LRRTM4: variants seen among roughly 807,000 people sequenced by gnomAD.
The protein encoded by LRRTM4 is leucine rich repeat transmembrane neuronal 4, also known as leucine-rich repeat transmembrane neuronal protein 4.
Under a neutral mutation model 47.6 loss-of-function variants are expected in LRRTM4, and 25 were observed. That is an observed-to-expected ratio of 0.53 (90% CI 0.38 to 0.73). LRRTM4 has a LOEUF of 0.73. Among genes scored for constraint, LRRTM4 ranks in the 30% least tolerant of loss-of-function variants. LRRTM4 has a pLI of 0.00. For missense variants in LRRTM4, 638 were observed against 713.4 expected, an observed-to-expected ratio of 0.89 and a Z score of 1.20; for synonymous variants, 311 against 269.5, an observed-to-expected ratio of 1.15 and a Z score of -1.51.
intron 3 of LRRTM4, among the ~76,000 whole-genome samples, chr2:77,386,193 AC>A: frequency 6.6e-6 from 1 of 152,330 alleles, no homozygotes; most frequent in Admixed American, 6.5e-5. Context: ...AAAAGAGAGA[AC>A]AAATAGTGTT....
chr2:77,004,071 G>T (rs867668510), intron 3 of LRRTM4, among the ~76,000 whole-genome samples: 28 of 152,160 alleles, frequency 1.8e-4, no homozygotes, highest in African/African-American at 6.8e-4. Flanking sequence ...TTTCTAAGTA[G>T]CAAAGTGTTC....
intron 3 of LRRTM4, among the ~76,000 whole-genome samples, chr2:77,202,975 G>GTA (rs906551262): frequency 6.6e-6 from 1 of 151,926 alleles, no homozygotes; most frequent in Non-Finnish European, 1.5e-5. Context: ...TCAGGTGACC[G>GTA]TATTCCCCAC....
At chr2:76,928,019 T>C (rs1674644723) in intron 3 of LRRTM4, among the ~76,000 whole-genome samples, 1 of 152,198 alleles carries the variant, frequency 6.6e-6, no homozygotes, top group East Asian at 1.9e-4. Flanking sequence ...GTGTCCCAAT[T>C]GCCTTTCTAA....
Position 77,135,938 on chromosome 2 carries a change from T to G in LRRTM4, c.1551+382380A>C, listed in dbSNP as rs1038195288. 2.6e-5 allele frequency among the ~76,000 whole-genome samples: 4 copies of G among 152,142 alleles called. No homozygotes were observed. In the East Asian group the frequency reaches 7.7e-4, roughly 29 times the overall value. On this transcript the variant is annotated intron_variant, in intron 3 of 3. Transcript: ENST00000409884. ...AGCATTCAAAACATTACTTTATAAATTGTTTTCATATTACTATCAAACATT... is the reference window on the plus strand; with the variant it reads ...AGCATTCAAAACATTACTTTATAAAGTGTTTTCATATTACTATCAAACATT...
chr2:77,024,431 G>A lies in LRRTM4; in HGVS notation c.1552-275515C>T, dbSNP rs150039407. 2.1e-3 allele frequency among the ~76,000 whole-genome samples: 322 copies of A among 150,838 alleles called. 7 individuals are homozygous for A. The highest frequency in any genetic ancestry group is 7.6e-3 in the African/African-American group (312 of 41,066). ...TGGCAGAATTTCATTCTGTATTATG[G>A]CTGAATAATATTCCAGCATCCTACC... On this transcript the variant is annotated intron_variant, in intron 3 of 3. Coordinates refer to ENST00000409884, the MANE Select transcript of LRRTM4 (RefSeq NM_001134745.3).
Position 77,396,590 on chromosome 2 carries a change from C to G in LRRTM4, c.1551+121728G>C, listed in dbSNP as rs534640785. ...TAAATTTAGTCTTTATAAAAGTTTT[C>G]CCTCATTATATCTTTCACTGATATA... On this transcript the variant is annotated intron_variant, in intron 3 of 3. Transcript: ENST00000409884. Among the ~76,000 whole-genome samples the G allele has an allele frequency of 3.2e-4, 48 of 151,924 alleles. 1 individual carries two copies. The East Asian group carries it at 8.2e-3, about 26-fold the overall frequency.
At chr2:77,135,486 G>C (rs1671910927) in intron 3 of LRRTM4, among the ~76,000 whole-genome samples, 1 of 152,056 alleles carries the variant, frequency 6.6e-6, no homozygotes, top group Admixed American at 6.5e-5. Context: ...AGCAATGTTT[G>C]GATTAAATAT....
intron 3 of LRRTM4, among the ~76,000 whole-genome samples, chr2:77,197,164 A>G (rs548232513): frequency 2.0e-5 from 3 of 152,254 alleles, no homozygotes; most frequent in African/African-American, 7.2e-5. Flanking sequence ...CCTAATCTTA[A>G]TCTTTGTACT....
chr2:77,354,827 T>C (rs986771151), intron 3 of LRRTM4, among the ~76,000 whole-genome samples: 1 of 152,144 alleles, frequency 6.6e-6, no homozygotes, highest in Non-Finnish European at 1.5e-5. Context: ...TACAGGCAAA[T>C]GGCAGTGCTC....
intron 3 of LRRTM4, among the ~76,000 whole-genome samples, chr2:77,072,194 A>G (rs1330788012): frequency 6.6e-6 from 1 of 152,166 alleles, no homozygotes; most frequent in Non-Finnish European, 1.5e-5. Flanking sequence ...GATTGAGAAT[A>G]ATGACTCCAG....
At chr2:76,823,259 A>T (rs1357948010) in intron 3 of LRRTM4, among the ~76,000 whole-genome samples, 1 of 151,364 alleles carries the variant, frequency 6.6e-6, no homozygotes, top group Non-Finnish European at 1.5e-5. Flanking sequence ...AAAGAATAAA[A>T]TTAGCAATAA....
chr2:76,766,704 C>A (rs1673470111), intron 3 of LRRTM4, among the ~76,000 whole-genome samples: 1 of 152,202 alleles, frequency 6.6e-6, no homozygotes, highest in African/African-American at 2.4e-5. Flanking sequence ...CTGGTTTCTG[C>A]TACAGCAGTA....
chr2:77,465,828 A>AT (rs1676961164), intron 3 of LRRTM4, among the ~76,000 whole-genome samples: 1 of 152,262 alleles, frequency 6.6e-6, no homozygotes, highest in Admixed American at 6.5e-5. Flanking sequence ...AGCAACATTT[A>AT]TTTGGTTTTC....
chr2:77,469,277 G>A (rs1282908879), intron 3 of LRRTM4, among the ~76,000 whole-genome samples: 1 of 152,186 alleles, frequency 6.6e-6, no homozygotes, highest in Non-Finnish European at 1.5e-5. Context: ...GGGGCAGTGG[G>A]CAACCGCAGC....
At chr2:77,481,589 G>A (rs1414916301) in intron 3 of LRRTM4, among the ~76,000 whole-genome samples, 2 of 152,066 alleles carry the variant, frequency 1.3e-5, no homozygotes, top group Non-Finnish European at 2.9e-5. Context: ...AAAAAAGCAT[G>A]TCAAGGGCAG....
chr2:77,097,928 GTATT>G (rs1325081695), intron 3 of LRRTM4, among the ~76,000 whole-genome samples: 16 of 151,828 alleles, frequency 1.1e-4, no homozygotes, highest in African/African-American at 3.6e-4. Context: ...TCTGGAGAGA[GTATT>G]TATGATTATA....
intron 3 of LRRTM4, among the ~76,000 whole-genome samples, chr2:77,345,872 A>G (rs1381252897): frequency 2.0e-5 from 3 of 151,860 alleles, no homozygotes; most frequent in Admixed American, 1.3e-4. Flanking sequence ...ACACATATTC[A>G]AAGAAAAAAT....
chr2:77,419,081 G>C (rs374885484), intron 3 of LRRTM4, among the ~76,000 whole-genome samples: 2 of 152,126 alleles, frequency 1.3e-5, no homozygotes, highest in African/African-American at 4.8e-5. Context: ...ACTTAGAATA[G>C]TACACAATAT....
intron 3 of LRRTM4, among the ~76,000 whole-genome samples, chr2:76,928,224 T>C (rs1476656100): frequency 6.6e-6 from 1 of 152,190 alleles, no homozygotes; most frequent in Non-Finnish European, 1.5e-5. Context: ...TAAAATCCTT[T>C]AAAATATTGA....
Sources: gnomAD v4.1 joint callset for allele counts (sites outside exome capture counted in the v4.1 genomes callset) on GRCh38, gnomAD v4.1.1 for gene constraint, MANE v1.5 for transcripts, NCBI Gene and HGNC (gene_info 2026-07-23, HGNC 2026-07-21) for gene names.